The following GARRE1 variants were observed in gnomAD, a reference collection of about 807,000 sequenced individuals.
The protein encoded by GARRE1 is granule associated Rac and RHOG effector 1.
In GARRE1, 49 loss-of-function variants were observed where a neutral mutation model predicts 103.2. The observed-to-expected ratio is 0.47, with a 90% confidence interval of 0.38 to 0.60. The LOEUF is 0.60. GARRE1 is among the 20% of genes least tolerant of loss of function. The probability of loss-of-function intolerance (pLI) is 0.00; values close to 1 mark genes in which losing one functional copy is unlikely to be tolerated. For synonymous variants in GARRE1, 505 were observed against 532.8 expected, an observed-to-expected ratio of 0.95 and a Z score of 0.72; for missense variants, 1,199 against 1,370.5, an observed-to-expected ratio of 0.87 and a Z score of 1.98.
At chr19:34,329,675 A>C (rs1177639542) in intron 6 of GARRE1, among the ~76,000 whole-genome samples, 1 of 152,104 alleles carries the variant, frequency 6.6e-6, no homozygotes, top group East Asian at 1.9e-4. Context: ...ATCTGTACTA[A>C]AAATACAAAA....
chr19:34,346,267 T>C (rs187847379), intron 10 of GARRE1, among the ~76,000 whole-genome samples: 1 of 152,322 alleles, frequency 6.6e-6, no homozygotes, highest in East Asian at 1.9e-4. Flanking sequence ...GCCATATGTT[T>C]TTTTTGACAC....
chr19:34,291,271 A>G (rs1412926815), intron 1 of GARRE1, among the ~76,000 whole-genome samples: 1 of 152,134 alleles, frequency 6.6e-6, no homozygotes, highest in Non-Finnish European at 1.5e-5. Flanking sequence ...TAAGTCAGGA[A>G]CCACGTGCAC....
intron 1 of GARRE1, among the ~76,000 whole-genome samples, chr19:34,279,792 C>G (rs903789687): frequency 6.6e-6 from 1 of 151,246 alleles, no homozygotes; most frequent in African/African-American, 2.4e-5. Flanking sequence ...GAGACCATCC[C>G]GGCTAAAACG....
chr19:34,276,774 G>A (rs1448055865), intron 1 of GARRE1, among the ~76,000 whole-genome samples: 2 of 152,226 alleles, frequency 1.3e-5, no homozygotes, highest in African/African-American at 2.4e-5. Context: ...GAGTTTGCGC[G>A]ACAGTGCCAC....
Position 34,327,871 on chromosome 19 carries a change from A to G in GARRE1, c.942+5A>G, listed in dbSNP as rs780342573. Reference sequence around the variant, plus strand: ...GCGATTGAAGCAAGTTTGCAGGTACACTTTTCCTTCCTAAAGCTCTGGGGA... The same window carrying G: ...GCGATTGAAGCAAGTTTGCAGGTACGCTTTTCCTTCCTAAAGCTCTGGGGA... On this transcript the variant is annotated splice_donor_5th_base_variant and intron_variant, in intron 5 of 13. Coordinates refer to ENST00000299505, the MANE Select transcript of GARRE1 (RefSeq NM_014686.5). The G allele has an allele frequency of 4.3e-6, 7 of 1,614,158 alleles. No homozygotes were observed. Among genetic ancestry groups the G allele is most frequent in the South Asian group, 2.2e-5 (2 of 91,080 alleles).
chr19:34,296,375 G>T, intron 1 of GARRE1: 1 of 1,387,062 alleles, frequency 7.2e-7, no homozygotes, highest in Non-Finnish European at 1.0e-6. Flanking sequence ...CCTTGGCCTT[G>T]GCCTTTAGCC....
chr19:34,346,104 A>ATCGGG (rs2074209779), intron 10 of GARRE1, among the ~76,000 whole-genome samples: 1 of 152,158 alleles, frequency 6.6e-6, no homozygotes, highest in South Asian at 2.1e-4. Flanking sequence ...CGGGATGGGG[A>ATCGGG]ACGGGAGACA....
chr19:34,310,116 T>C (rs1340633085), intron 2 of GARRE1, among the ~76,000 whole-genome samples: 1 of 152,220 alleles, frequency 6.6e-6, no homozygotes, highest in Non-Finnish European at 1.5e-5. Flanking sequence ...CGTGATGTGC[T>C]AGAAAAATTA....
rs1398104620 is a variant in GARRE1, at chr19:34,299,769, T to C, written c.-705T>C. On this transcript the variant is annotated 5_prime_UTR_variant, in exon 2 of 14. Coordinates refer to ENST00000299505, the MANE Select transcript of GARRE1 (RefSeq NM_014686.5). ...CAGCCCAGTCTGGAAGCATCTCTTATTAATGTTACAAGGAAACCGCTACCT... is the reference window on the plus strand; with the variant it reads ...CAGCCCAGTCTGGAAGCATCTCTTACTAATGTTACAAGGAAACCGCTACCT... 6.6e-6 allele frequency: 1 copy of C among 152,152 alleles called. No homozygotes were observed. The highest frequency in any genetic ancestry group is 1.5e-5 in the Non-Finnish European group (1 of 68,038). The allele number at this position is 152,152 out of a possible 1,614,324, so 9.4% of individuals were successfully genotyped here.
chr19:34,260,180 G>A (rs2073707603), intron 1 of GARRE1, among the ~76,000 whole-genome samples: 1 of 152,126 alleles, frequency 6.6e-6, no homozygotes, highest in Admixed American at 6.5e-5. Flanking sequence ...TCAACATCAC[G>A]GCAAGACCCT....
In GARRE1 at chr19:34,300,481, G is replaced by T. The variant is rs1182201166; in HGVS notation, c.8G>T (p.Cys3Phe). 29 of 1,569,422 alleles carry T rather than the reference G, an allele frequency of 1.8e-5. No homozygotes were observed. Among genetic ancestry groups the T allele is most frequent in the Non-Finnish European group, 2.3e-5 (27 of 1,153,480 alleles). ...GACAATTCCCCCTCCCGCATGTATT[G>T]CTGCAGTGCCCAGGACAGTAAAATG... MY[C>F]CSAQDSKMDY... is the part of the protein sequence containing the mutation. Residue 3 changes from cysteine (C) to phenylalanine (F), a missense_variant, in exon 2 of 14, where the codon TGC becomes TTC. Cys to Phe is a radical substitution (Grantham distance 205). Coordinates refer to ENST00000299505, the MANE Select transcript of GARRE1 (RefSeq NM_014686.5).
chr19:34,329,332 A>G (rs749326634), intron 6 of GARRE1, among the ~76,000 whole-genome samples: 3 of 152,214 alleles, frequency 2.0e-5, no homozygotes, highest in Non-Finnish European at 4.4e-5. Context: ...TTGTTTCCCT[A>G]TTTGGAGGGA....
At chr19:34,266,735 TGATA>T (rs1468196635) in intron 1 of GARRE1, among the ~76,000 whole-genome samples, 1 of 152,216 alleles carries the variant, frequency 6.6e-6, no homozygotes, top group African/African-American at 2.4e-5. Flanking sequence ...TATAATTTAT[TGATA>T]GAATTTTTTA....
chr19:34,264,218 C>A (rs1015477061), intron 1 of GARRE1, among the ~76,000 whole-genome samples: 4 of 151,892 alleles, frequency 2.6e-5, no homozygotes, highest in Non-Finnish European at 5.9e-5. Flanking sequence ...CTGAGGTGGC[C>A]CAAGATGGTT....
At chr19:34,320,176 C>CT (rs2074079696) in intron 3 of GARRE1, 60 bp downstream of exon 3, 2 of 1,419,348 alleles carry the variant, frequency 1.4e-6, no homozygotes, top group East Asian at 4.6e-5. Context: ...TCCAGAGGGC[C>CT]TTTGCCTGTT....
In GARRE1 at chr19:34,300,390, A is replaced by G. The variant is rs530657729; in HGVS notation, c.-84A>G. ...AAACTTCGATTTGCAGAACTCCACT[A>G]TTTTTATACCTAGCTACAGTTTTGA... is the stretch of plus-strand genomic sequence containing the variant. On this transcript the variant is annotated 5_prime_UTR_variant, in exon 2 of 14. Coordinates refer to ENST00000299505, the MANE Select transcript of GARRE1 (RefSeq NM_014686.5). 126 of 1,470,926 alleles carry G rather than the reference A, an allele frequency of 8.6e-5. No homozygotes were observed. In the African/African-American group the frequency reaches 1.6e-3, roughly 19 times the overall value. 91.1% of individuals were successfully genotyped at this position (1,470,926 alleles called of 1,614,324 possible). A position where few individuals can be genotyped will look rare whatever the true frequency, so the allele number is the denominator to read the frequency against.
chr19:34,302,896 A>C (rs911505099), intron 2 of GARRE1, among the ~76,000 whole-genome samples: 1 of 151,794 alleles, frequency 6.6e-6, no homozygotes, highest in Non-Finnish European at 1.5e-5. Context: ...AGGCTCACGC[A>C]GCCATACCCA....
chr19:34,254,908 A>G (rs993346646), intron 1 of GARRE1, among the ~76,000 whole-genome samples: 7 of 150,852 alleles, frequency 4.6e-5, no homozygotes, highest in Admixed American at 3.9e-4. Context: ...GCGGCACCGC[A>G]GGGGCGGGTC....
At chr19:34,319,270 A>G (rs2074074345) in intron 2 of GARRE1, among the ~76,000 whole-genome samples, 1 of 152,206 alleles carries the variant, frequency 6.6e-6, no homozygotes, top group Admixed American at 6.5e-5. Flanking sequence ...ATTAGCAACC[A>G]ATCACTGATA....
Sources: gnomAD v4.1 joint callset for allele counts (sites outside exome capture counted in the v4.1 genomes callset) on GRCh38, gnomAD v4.1.1 for gene constraint, MANE v1.5 for transcripts, NCBI Gene and HGNC (gene_info 2026-07-23, HGNC 2026-07-21) for gene names.